STAT1: variants seen among roughly 807,000 people sequenced by gnomAD.
STAT1 encodes the protein signal transducer and activator of transcription 1-alpha/beta.
A neutral mutation model predicts 111.7 loss-of-function variants in STAT1; 24 were observed. The observed-to-expected ratio is 0.21, with a 90% CI of 0.16 to 0.30. The LOEUF is 0.30. Ranked by LOEUF, STAT1 falls within the 10% of genes least tolerant of loss-of-function variation. The pLI is 1.00. For missense variants in STAT1, 351 were observed against 911.9 expected, an observed-to-expected ratio of 0.38 and a Z score of 7.92; for synonymous variants, 332 against 326.5, an observed-to-expected ratio of 1.02 and a Z score of -0.18.
chr2:190,983,409 A>G lies in STAT1; in HGVS notation c.1446+233T>C, dbSNP rs41463952. Among the ~76,000 whole-genome samples, 3,818 of 152,334 alleles carry G rather than the reference A, an allele frequency of 0.025. 187 individuals carry two copies. Among genetic ancestry groups the G allele is most frequent in the African/African-American group, 0.086 (3,573 of 41,554 alleles). ...TTAAAAATAATAACAATAAAGTGGT[A>G]TGGAATCACTGACTGCCCTAGCTTA... On this transcript the variant is annotated intron_variant, in intron 17 of 24. Coordinates refer to ENST00000361099, the MANE Select transcript of STAT1 (RefSeq NM_007315.4). The surrounding 1 kb of genome is among the most constrained non-coding windows in gnomAD (Gnocchi z 5.7).
chr2:190,999,833 G>A lies in STAT1; in HGVS notation c.463-129C>T, dbSNP rs912600472. The A allele has an allele frequency of 4.3e-6, 3 of 702,268 alleles. No homozygotes were observed. The African/African-American group carries it at 5.3e-5, about 12-fold the overall frequency. 43.5% of individuals were successfully genotyped at this position (702,268 alleles called of 1,614,324 possible). ...TTCCATCTCCCCCAAAAAGAGATCTGACTTGGACAGTTCTAATCATATACA... is the reference window on the plus strand; with the variant it reads ...TTCCATCTCCCCCAAAAAGAGATCTAACTTGGACAGTTCTAATCATATACA... On this transcript the variant is annotated intron_variant, in intron 6 of 24. Coordinates refer to ENST00000361099, the MANE Select transcript of STAT1 (RefSeq NM_007315.4). This position sits in a 1 kb window ranked among gnomAD's most constrained non-coding sequence, Gnocchi z 4.1.
chr2:190,985,028 G>A (rs1692695334), intron 15 of STAT1, among the ~76,000 whole-genome samples: 1 of 152,204 alleles, frequency 6.6e-6, no homozygotes, highest in African/African-American at 2.4e-5. Flanking sequence ...GACCTCCACT[G>A]GTCCTGGTGT....
Position 191,000,415 on chromosome 2 carries a change from C to T in STAT1, c.462+659G>A, listed in dbSNP as rs1694183777. Reference sequence around the variant, plus strand: ...CTGAAGCATGTAAGTCAAGGCCATACTGCTATTACCCAGAGATCCACAGAG... The same window carrying T: ...CTGAAGCATGTAAGTCAAGGCCATATTGCTATTACCCAGAGATCCACAGAG... On this transcript the variant is annotated intron_variant, in intron 6 of 24. Coordinates refer to ENST00000361099, the MANE Select transcript of STAT1 (RefSeq NM_007315.4). The surrounding 1 kb of genome is among the most constrained non-coding windows in gnomAD (Gnocchi z 4.8). Among the ~76,000 whole-genome samples the T allele has an allele frequency of 6.6e-6, 1 of 152,138 alleles. No individual in the cohort carries two copies. Among genetic ancestry groups the T allele is most frequent in the African/African-American group, 2.4e-5 (1 of 41,404 alleles).
chr2:191,005,437 C>G (rs77698891), intron 5 of STAT1, among the ~76,000 whole-genome samples: 46 of 152,132 alleles, frequency 3.0e-4, no homozygotes, highest in Non-Finnish European at 3.4e-4. Flanking sequence ...GGGGGTACCA[C>G]CTTTTATCTT....
chr2:191,007,567 T>C lies in STAT1; in HGVS notation c.368A>G (p.Asn123Ser), dbSNP rs778751233. Residue 123 changes from asparagine to serine, a missense_variant, in exon 5 of 25, where the codon AAT becomes AGT. Physicochemically the swap from Asn to Ser is conservative, Grantham distance 46. Coordinates refer to ENST00000361099, the MANE Select transcript of STAT1 (RefSeq NM_007315.4). This position sits in a 1 kb window ranked among gnomAD's most constrained non-coding sequence, Gnocchi z 4.2. The part of the protein sequence containing the change: ...RKILENAQRF[N>S]QAQSGNIQST... The stretch of plus-strand genomic sequence containing the variant: ...TGTTCAATGAGAAAAAAGTACCTGA[T>C]TAAATCTCTGGGCGTTTTCCAGAAT... The C allele has an allele frequency of 5.0e-6, 8 of 1,611,396 alleles. No homozygotes were observed. In the South Asian group the frequency reaches 7.7e-5, roughly 15 times the overall value.
chr2:191,001,821 A>C (rs141247890), intron 5 of STAT1, among the ~76,000 whole-genome samples: 1 of 152,326 alleles, frequency 6.6e-6, no homozygotes, highest in East Asian at 1.9e-4. Context: ...TGTACCCTGC[A>C]CATACTAGGT....
At chr2:191,005,326 A>T (rs1385433513) in intron 5 of STAT1, among the ~76,000 whole-genome samples, 2 of 152,236 alleles carry the variant, frequency 1.3e-5, no homozygotes, top group African/African-American at 4.8e-5. Flanking sequence ...ATACTTTAGC[A>T]TGAATAGAAT....
Position 190,976,051 on chromosome 2 carries a change from G to C in STAT1, c.2060-164C>G, listed in dbSNP as rs1691883537. Among the ~76,000 whole-genome samples, 1 of 152,188 alleles carries C rather than the reference G, an allele frequency of 6.6e-6. No individual in the cohort carries two copies. The highest frequency in any genetic ancestry group is 6.5e-5 in the Admixed American group (1 of 15,276). ...CCTGCCTGAGTCACCTAAAATTCTA[G>C]TGGGAATGCAGAAACAACGAGAAGA... On this transcript the variant is annotated intron_variant, in intron 22 of 24. Coordinates refer to ENST00000361099, the MANE Select transcript of STAT1 (RefSeq NM_007315.4). The surrounding 1 kb of genome is among the most constrained non-coding windows in gnomAD (Gnocchi z 6.0).
Position 190,977,260 on chromosome 2 carries a change from T to C in STAT1, c.1874-235A>G, listed in dbSNP as rs549502173. On this transcript the variant is annotated intron_variant, in intron 21 of 24. Coordinates refer to ENST00000361099, the MANE Select transcript of STAT1 (RefSeq NM_007315.4). The surrounding 1 kb of genome is among the most constrained non-coding windows in gnomAD (Gnocchi z 4.7). ...TAACATTCTATTTGCCATTATTTGCTTAGATTTATAAATCTGGGCAAAAAA... is the reference window on the plus strand; with the variant it reads ...TAACATTCTATTTGCCATTATTTGCCTAGATTTATAAATCTGGGCAAAAAA... Among the ~76,000 whole-genome samples the C allele has an allele frequency of 1.3e-5, 2 of 152,364 alleles. No individual in the cohort carries two copies. Among genetic ancestry groups the C allele is most frequent in the Non-Finnish European group, 2.9e-5 (2 of 68,028 alleles).
intron 5 of STAT1, among the ~76,000 whole-genome samples, chr2:191,005,218 A>G (rs375575977): frequency 5.9e-5 from 9 of 152,312 alleles, no homozygotes; most frequent in African/African-American, 2.2e-4. Context: ...ATTAGCATTC[A>G]TGGATGGCCT....
At chr2:191,005,578 T>C (rs184255288) in intron 5 of STAT1, among the ~76,000 whole-genome samples, 3 of 152,322 alleles carry the variant, frequency 2.0e-5, no homozygotes, top group Non-Finnish European at 4.4e-5. Context: ...GGCTTTACCA[T>C]ATAGTGTAGG....
chr2:190,972,237 TA>T (rs1691541412), intron 24 of STAT1, among the ~76,000 whole-genome samples: 1 of 152,230 alleles, frequency 6.6e-6, no homozygotes, highest in Non-Finnish European at 1.5e-5. Flanking sequence ...ATGGCATACG[TA>T]AAATGTTTAG....
intron 15 of STAT1, among the ~76,000 whole-genome samples, chr2:190,985,139 T>C (rs1035390485): frequency 2.0e-5 from 3 of 152,172 alleles, no homozygotes; most frequent in Non-Finnish European, 4.4e-5. Context: ...TCTGAATGCA[T>C]CACAAACCCA....
In STAT1 at chr2:190,982,457, C is replaced by A; in HGVS notation, c.1508G>T (p.Ser503Ile). The A allele has an allele frequency of 1.2e-6, 2 of 1,614,236 alleles. No individual in the cohort carries two copies. Among genetic ancestry groups the A allele is most frequent in the Non-Finnish European group, 1.7e-6 (2 of 1,180,050 alleles). Residue 503 changes from serine to isoleucine, a missense_variant, in exon 18 of 25, where the codon AGT (serine) becomes ATT (isoleucine). By Grantham distance (142) the Ser-to-Ile change is moderately radical (BLOSUM62 -2). Around this residue, in one of 7 missense-constraint regions of STAT1, gnomAD observed 181 missense variants for 426.1 expected, o/e 0.42. Transcript: ENST00000361099. This position sits in a 1 kb window ranked among gnomAD's most constrained non-coding sequence, Gnocchi z 7.3. ...TTTGGTGACAGAAGAAAACTGCCAACTCAGCACTTCTGAAAGCTGAGCCCA... is the reference window on the plus strand; with the variant it reads ...TTTGGTGACAGAAGAAAACTGCCAAATCAGCACTTCTGAAAGCTGAGCCCA... ...ARWAQLSEVLSWQFSSVTKRG... is the reference protein window; with the variant it reads ...ARWAQLSEVLIWQFSSVTKRG...
chr2:191,001,279 G>C, intron 5 of STAT1, 116 bp from the exon 6 acceptor site: 1 of 796,300 alleles, frequency 1.3e-6, no homozygotes, highest in Non-Finnish European at 2.2e-6. Flanking sequence ...TGTACTACAG[G>C]CTTCCTGCTT....
In STAT1 at chr2:190,990,004, C is replaced by T. The variant is rs1693192945; in HGVS notation, c.1038-330G>A. ...TATTCAGTTTCATCACAATTTCGAC[C>T]TTTGGCCAATTTATATGGGTAAAAT... is the stretch of plus-strand genomic sequence containing the variant. On this transcript the variant is annotated intron_variant, in intron 11 of 24. Coordinates refer to ENST00000361099, the MANE Select transcript of STAT1 (RefSeq NM_007315.4). The surrounding 1 kb of genome is among the most constrained non-coding windows in gnomAD (Gnocchi z 5.1). Among the ~76,000 whole-genome samples the T allele has an allele frequency of 6.6e-6, 1 of 152,210 alleles. No individual in the cohort carries two copies. The highest frequency in any genetic ancestry group is 2.1e-4 in the South Asian group (1 of 4,836).
In STAT1 at chr2:190,993,705, C is replaced by A. The variant is rs1693580753; in HGVS notation, c.944+1356G>T. The A allele has an allele frequency of 7.6e-6, 3 of 395,648 alleles. No individual in the cohort carries two copies. The highest frequency in any genetic ancestry group is 7.1e-5 in the Admixed American group (2 of 28,014). The allele number at this position is 395,648 out of a possible 1,614,324, so 24.5% of individuals were successfully genotyped here. On this transcript the variant is annotated intron_variant, in intron 10 of 24. Transcript: ENST00000361099. This position sits in a 1 kb window ranked among gnomAD's most constrained non-coding sequence, Gnocchi z 4.1. ...AGTAAATGTCTTCCCCGACTCTGCC[C>A]CCTGGAACGCAATCAGCAGCCGCTG...
Position 190,984,258 on chromosome 2 carries a change from A to C in STAT1, c.1347+52T>G. On this transcript the variant is annotated intron_variant, in intron 16 of 24. Coordinates refer to ENST00000361099, the MANE Select transcript of STAT1 (RefSeq NM_007315.4). This position sits in a 1 kb window ranked among gnomAD's most constrained non-coding sequence, Gnocchi z 5.2. The stretch of plus-strand genomic sequence containing the variant: ...CTGAGAAATAAAAATACATGTAACA[A>C]TTAAAAGTAAAAATAATGAAGTTTT... 1 of 1,402,310 alleles carries C rather than the reference A, an allele frequency of 7.1e-7. No homozygotes were observed. Among genetic ancestry groups the C allele is most frequent in the Non-Finnish European group, 1.0e-6 (1 of 988,742 alleles). The allele number at this position is 1,402,310 out of a possible 1,614,324, so 86.9% of individuals were successfully genotyped here. A position where few individuals can be genotyped will look rare whatever the true frequency, so the allele number is the denominator to read the frequency against.
At chr2:191,010,064 A>C in intron 2 of STAT1, 60 bp from the exon 3 acceptor site, 14 of 1,591,080 alleles carry the variant, frequency 8.8e-6, no homozygotes, top group Non-Finnish European at 1.1e-5. Flanking sequence ...CTCCAAAGAA[A>C]GCCTTCCTAG....
Sources: gnomAD v4.1 joint callset for allele counts (sites outside exome capture counted in the v4.1 genomes callset) on GRCh38, gnomAD v4.1.1 for gene constraint, gnomAD v4.1.1 regional missense constraint, Gnocchi (gnomAD v3.1) non-coding constraint, MANE v1.5 for transcripts, NCBI Gene and HGNC (gene_info 2026-07-23, HGNC 2026-07-21) for gene names.